GRAMD1B: variants seen among roughly 807,000 people sequenced by gnomAD.
GRAMD1B encodes the protein protein Aster-B.
Under a neutral mutation model 99.7 loss-of-function variants are expected in GRAMD1B, and 37 were observed. The ratio of observed to expected loss-of-function variants is 0.37; its 90% CI spans 0.29 to 0.49. The LOEUF is 0.49. GRAMD1B is among the 20% of genes least tolerant of loss of function. The probability of loss-of-function intolerance (pLI) is 0.98; values close to 1 mark genes in which losing one functional copy is unlikely to be tolerated. For synonymous variants in GRAMD1B, 427 were observed against 387.6 expected, an observed-to-expected ratio of 1.10 and a Z score of -1.19; for missense variants, 888 against 1,009.2, an observed-to-expected ratio of 0.88 and a Z score of 1.63.
At chr11:123,571,331 C>T (rs977940898) in intron 2 of GRAMD1B, among the ~76,000 whole-genome samples, 4 of 152,060 alleles carry the variant, frequency 2.6e-5, no homozygotes, top group African/African-American at 4.8e-5. Context: ...TAGCGGCCAC[C>T]GTGTCTGCAG....
At chr11:123,553,425 T>C (rs1945824141) in intron 2 of GRAMD1B, among the ~76,000 whole-genome samples, 1 of 152,240 alleles carries the variant, frequency 6.6e-6, no homozygotes, top group Non-Finnish European at 1.5e-5. Flanking sequence ...AAGGCTTTCA[T>C]ATGTATCCAT....
intron 2 of GRAMD1B, among the ~76,000 whole-genome samples, chr11:123,486,625 G>A (rs1937828165): frequency 6.6e-6 from 1 of 151,452 alleles, no homozygotes. Context: ...ATCTGCAAAT[G>A]TCACATATTT....
rs183162749 is a variant in GRAMD1B at position 123,442,428 on chromosome 11, A to G, written c.374+11262A>G. 1.3e-4 allele frequency among the ~76,000 whole-genome samples: 20 copies of G among 152,294 alleles called. No homozygotes were observed. The East Asian group carries it at 3.9e-3, about 29-fold the overall frequency. ...AGTGTTCTTGGATCTTGCACAGGAA[A>G]GAATTCAGGGCGAGTACACAATGCA... On this transcript the variant is annotated intron_variant, in intron 1 of 19. Transcript: ENST00000635736.
intron 2 of GRAMD1B, among the ~76,000 whole-genome samples, chr11:123,557,089 G>A (rs190940738): frequency 3.9e-5 from 6 of 152,192 alleles, no homozygotes; most frequent in East Asian, 1.9e-4. Flanking sequence ...CTACCTCTTC[G>A]TTTTGTCATC....
In GRAMD1B at chr11:123,423,241, GACACACACAC is replaced by G. The variant is rs57312255; in HGVS notation, c.-175-57559_-175-57550del. Reference sequence around the variant, plus strand: ...AAAACATAACATCTACCAACAATAAGACACACACACACACACACACACACAGATTAAAAGA... The same window carrying G: ...AAAACATAACATCTACCAACAATAAGACACACACACACACAGATTAAAAGA... On this transcript the variant is annotated intron_variant, in intron 1 of 20. Coordinates refer to the GRAMD1B transcript ENST00000638157. 3.7e-3 allele frequency among the ~76,000 whole-genome samples: 547 copies of G among 146,280 alleles called. 4 individuals carry two copies. The highest frequency in any genetic ancestry group is 0.013 in the African/African-American group (513 of 39,910).
chr11:123,530,236 A>AT (rs1398762108), intron 2 of GRAMD1B, among the ~76,000 whole-genome samples: 1 of 149,648 alleles, frequency 6.7e-6, no homozygotes, highest in Non-Finnish European at 1.5e-5. Context: ...TTTCATGACC[A>AT]TTAATGGTCA....
chr11:123,389,180 T>C lies in GRAMD1B; in HGVS notation c.-176+30381T>C, dbSNP rs1193610605. Among the ~76,000 whole-genome samples, 4 of 151,894 alleles carry C rather than the reference T, an allele frequency of 2.6e-5. No homozygotes were observed. The East Asian group carries it at 5.8e-4, about 22-fold the overall frequency. On this transcript the variant is annotated intron_variant, in intron 1 of 20. Transcript: ENST00000638157. ...CAGGCAGATCACGAGGTCAGGGGATTGAGACCATCCTGGCTAACATGGTGA... is the reference window on the plus strand; with the variant it reads ...CAGGCAGATCACGAGGTCAGGGGATCGAGACCATCCTGGCTAACATGGTGA...
At chr11:123,586,708 C>T (rs897964580) in intron 4 of GRAMD1B, among the ~76,000 whole-genome samples, 2 of 152,212 alleles carry the variant, frequency 1.3e-5, no homozygotes, top group Admixed American at 1.3e-4. Flanking sequence ...CCTGCCCCTG[C>T]TGCTTTGACC....
chr11:123,429,359 T>C (rs1022682486), upstream of GRAMD1B, among the ~76,000 whole-genome samples: 1 of 152,038 alleles, frequency 6.6e-6, no homozygotes, highest in Non-Finnish European at 1.5e-5. This position sits in a 1 kb window ranked among gnomAD's most constrained non-coding sequence, Gnocchi z 4.0. Context: ...CTAGGGTTGA[T>C]GATCTCTTAG....
chr11:123,485,022 T>C (rs1951811058), intron 2 of GRAMD1B, among the ~76,000 whole-genome samples: 1 of 152,174 alleles, frequency 6.6e-6, no homozygotes, highest in Non-Finnish European at 1.5e-5. Flanking sequence ...AATGGCGGCA[T>C]TTCCTGCACT....
At chr11:123,568,392 G>C (rs988487074) in intron 2 of GRAMD1B, among the ~76,000 whole-genome samples, 32 of 152,364 alleles carry the variant, frequency 2.1e-4, no homozygotes, top group Admixed American at 1.1e-3. Context: ...CAACAGTCCA[G>C]TTCCACCTTT....
At chr11:123,522,666 T>A (rs1454920249) in intron 2 of GRAMD1B, among the ~76,000 whole-genome samples, 2 of 152,112 alleles carry the variant, frequency 1.3e-5, no homozygotes, top group African/African-American at 2.4e-5. Context: ...CCCAGGGCCC[T>A]GTGAGAAGCT....
In GRAMD1B at chr11:123,619,105, A is replaced by C; in HGVS notation, c.2427-2A>C. The C allele has an allele frequency of 6.6e-7, 1 of 1,511,936 alleles. No individual in the cohort carries two copies. The highest frequency in any genetic ancestry group is 1.2e-5 in the South Asian group (1 of 83,320). The allele number at this position is 1,511,936 out of a possible 1,614,324, so 93.7% of individuals were successfully genotyped here. A position where few individuals can be genotyped will look rare whatever the true frequency, so the allele number is the denominator to read the frequency against. The stretch of plus-strand genomic sequence containing the variant: ...TGGGGTACCCCTTCTTCTACCCCAC[A>C]GGTTACCCCAGTCTCAGACAGAATG... On this transcript the variant is annotated splice_acceptor_variant, in intron 18 of 19. Coordinates refer to ENST00000635736, the MANE Select transcript of GRAMD1B (RefSeq NM_001387025.1). LOFTEE classifies it high-confidence loss of function.
intron 1 of GRAMD1B, among the ~76,000 whole-genome samples, chr11:123,372,342 T>C (rs995780361): frequency 5.3e-5 from 8 of 152,228 alleles, no homozygotes; most frequent in Non-Finnish European, 1.2e-4. Context: ...TTTAGGAACC[T>C]AGATTCATCT....
chr11:123,544,952 C>A (rs1048690727), intron 2 of GRAMD1B, among the ~76,000 whole-genome samples: 1 of 152,212 alleles, frequency 6.6e-6, no homozygotes, highest in African/African-American at 2.4e-5. Context: ...AGGGGCCAGA[C>A]CGCCTAGTCT....
intron 1 of GRAMD1B, among the ~76,000 whole-genome samples, chr11:123,452,444 G>A (rs555748746): frequency 2.6e-4 from 40 of 152,174 alleles, no homozygotes; most frequent in African/African-American, 6.5e-4. Context: ...TCAGGAGTTC[G>A]AGACCAGCCT....
Position 123,533,858 on chromosome 11 carries a change from A to G in GRAMD1B, c.453-43509A>G, listed in dbSNP as rs73614069. Among the ~76,000 whole-genome samples the G allele has an allele frequency of 7.5e-3, 1,137 of 152,388 alleles. 18 individuals are homozygous for G. Among genetic ancestry groups the G allele is most frequent in the African/African-American group, 0.026 (1,081 of 41,592 alleles). On this transcript the variant is annotated intron_variant, in intron 2 of 19. Transcript: ENST00000635736. Reference sequence around the variant, plus strand: ...ACTCCAAGCAAGGTCACACAGCTCAAAAGTGTTTGAGCTGGTAGTCTGACT... The same window carrying G: ...ACTCCAAGCAAGGTCACACAGCTCAGAAGTGTTTGAGCTGGTAGTCTGACT...
intron 4 of GRAMD1B, among the ~76,000 whole-genome samples, chr11:123,589,792 G>A (rs1950466017): frequency 6.6e-6 from 1 of 151,870 alleles, no homozygotes; most frequent in East Asian, 1.9e-4. Flanking sequence ...GTGTTCACTG[G>A]GCCATTTTGA....
chr11:123,406,768 C>G (rs983092582), intron 1 of GRAMD1B, among the ~76,000 whole-genome samples: 1 of 152,152 alleles, frequency 6.6e-6, no homozygotes, highest in Non-Finnish European at 1.5e-5. Flanking sequence ...TTTAAGGGCT[C>G]TCAAGGGAGG....
Sources: allele counts gnomAD v4.1 joint callset (sites outside exome capture counted in the v4.1 genomes callset), GRCh38; gene constraint gnomAD v4.1.1; non-coding constraint Gnocchi (gnomAD v3.1); transcripts MANE v1.5; gene names NCBI Gene and HGNC (gene_info 2026-07-23, HGNC 2026-07-21).